The following RNF11 variants were observed in gnomAD, a reference collection of about 807,000 sequenced individuals.
RNF11 encodes the protein ring finger protein 11.
In RNF11, 4 loss-of-function variants were observed where a neutral mutation model predicts 15.8. That is an observed-to-expected ratio of 0.25 (90% confidence interval 0.12 to 0.58). The LOEUF (loss-of-function observed/expected upper bound fraction) is 0.58, where lower values mean the gene tolerates loss of function less well. Among genes scored for constraint, RNF11 ranks in the 20% least tolerant of loss-of-function variants. The pLI is 0.91. For missense variants in RNF11, 139 were observed against 194.4 expected, an observed-to-expected ratio of 0.71 and a Z score of 1.70; for synonymous variants, 68 against 72.3, an observed-to-expected ratio of 0.94 and a Z score of 0.30.
In RNF11 at chr1:51,271,447, G is replaced by A; in HGVS notation, c.*125G>A. ...GCACAAAAGTTTCCTTAAAATTCCTGGATGGCTGCAGATGTTGGGGGAAAA... is the reference window on the plus strand; with the variant it reads ...GCACAAAAGTTTCCTTAAAATTCCTAGATGGCTGCAGATGTTGGGGGAAAA... On this transcript the variant is annotated 3_prime_UTR_variant, in exon 3 of 3. Coordinates refer to ENST00000242719, the MANE Select transcript of RNF11 (RefSeq NM_014372.5). The A allele has an allele frequency of 1.4e-6, 1 of 716,100 alleles. No homozygotes were observed. Among genetic ancestry groups the A allele is most frequent in the Non-Finnish European group, 2.2e-6 (1 of 459,048 alleles). 44.4% of individuals were successfully genotyped at this position (716,100 alleles called of 1,614,324 possible).
At chr1:51,257,391 G>A (rs1417398562) in intron 1 of RNF11, among the ~76,000 whole-genome samples, 5 of 152,140 alleles carry the variant, frequency 3.3e-5, no homozygotes, top group African/African-American at 1.2e-4. Context: ...CAAAAGTGTG[G>A]TGGCCCCAAT....
intron 1 of RNF11, among the ~76,000 whole-genome samples, chr1:51,264,287 A>AAAT (rs1557682286): frequency 2.2e-4 from 7 of 32,530 alleles, no homozygotes; most frequent in Admixed American, 5.9e-4. Flanking sequence ...AAAAAAAAAA[A>AAAT]ATATATATAT....
intron 1 of RNF11, among the ~76,000 whole-genome samples, chr1:51,253,506 T>C (rs1646890561): frequency 7.2e-6 from 1 of 139,648 alleles, no homozygotes; most frequent in African/African-American, 2.7e-5. Context: ...CTGGGCAACC[T>C]CAAGATCCTG....
At chr1:51,257,981 G>A (rs555320198) in intron 1 of RNF11, among the ~76,000 whole-genome samples, 1 of 149,772 alleles carries the variant, frequency 6.7e-6, no homozygotes, top group African/African-American at 2.5e-5. Flanking sequence ...AGCCTCCCGA[G>A]TAGCTGGGAT....
intron 1 of RNF11, among the ~76,000 whole-genome samples, chr1:51,241,695 C>G (rs189334515): frequency 5.1e-4 from 78 of 152,300 alleles, no homozygotes; most frequent in Admixed American, 2.7e-3. Flanking sequence ...GTCGCACCCT[C>G]TACCCAACTC....
chr1:51,266,654 G>C (rs1646956160), intron 1 of RNF11, among the ~76,000 whole-genome samples: 1 of 151,882 alleles, frequency 6.6e-6, no homozygotes, highest in African/African-American at 2.4e-5. Flanking sequence ...ATAGAGACGG[G>C]GTTTCACCAT....
chr1:51,258,944 A>T (rs1294612698), intron 1 of RNF11, among the ~76,000 whole-genome samples: 2 of 151,918 alleles, frequency 1.3e-5, no homozygotes, highest in African/African-American at 4.8e-5. Context: ...ACCACTCCCC[A>T]CCCCATTTTC....
intron 1 of RNF11, among the ~76,000 whole-genome samples, chr1:51,238,976 C>T (rs1289564418): frequency 6.6e-6 from 1 of 152,146 alleles, no homozygotes; most frequent in Non-Finnish European, 1.5e-5. Flanking sequence ...GCAGTCCACC[C>T]ACCTCAGTCT....
intron 1 of RNF11, among the ~76,000 whole-genome samples, chr1:51,248,854 G>A (rs1395772654): frequency 6.6e-6 from 1 of 152,082 alleles, no homozygotes; most frequent in African/African-American, 2.4e-5. Context: ...GTATTCACAG[G>A]TTCCACATCC....
intron 1 of RNF11, among the ~76,000 whole-genome samples, chr1:51,255,457 A>G (rs72896496): frequency 0.021 from 3,207 of 152,120 alleles, 95 homozygotes; most frequent in African/African-American, 0.065. Context: ...ACAAGGTCTC[A>G]CTCTTTTTCC....
intron 1 of RNF11, among the ~76,000 whole-genome samples, chr1:51,238,624 G>C (rs1184986272): frequency 6.6e-6 from 1 of 152,176 alleles, no homozygotes; most frequent in African/African-American, 2.4e-5. Flanking sequence ...AATCAAAGCT[G>C]AATCTGGGTG....
At position 51,273,197 on chromosome 1, in the gene RNF11, G is replaced by A. The variant is rs1557684322; in HGVS notation, c.*1875G>A. 6.6e-6 allele frequency: 1 copy of A among 152,060 alleles called. No homozygotes were observed. Among genetic ancestry groups the A allele is most frequent in the East Asian group, 1.9e-4 (1 of 5,206 alleles). 9.4% of individuals were successfully genotyped at this position (152,060 alleles called of 1,614,324 possible). On this transcript the variant is annotated 3_prime_UTR_variant, in exon 3 of 3. Coordinates refer to ENST00000242719, the MANE Select transcript of RNF11 (RefSeq NM_014372.5). ...AATGTCTGTGTCATCAAGTATTATA[G>A]TCAGACTTTTCTTTTTTTCTAGATT... is the stretch of plus-strand genomic sequence containing the variant.
intron 1 of RNF11, among the ~76,000 whole-genome samples, chr1:51,255,298 T>C (rs1557680185): frequency 6.6e-6 from 1 of 152,252 alleles, no homozygotes; most frequent in Non-Finnish European, 1.5e-5. Flanking sequence ...TCTCACACTG[T>C]TGCCCATGCT....
intron 1 of RNF11, among the ~76,000 whole-genome samples, chr1:51,241,542 C>T (rs905818134): frequency 3.9e-5 from 6 of 151,996 alleles, no homozygotes; most frequent in African/African-American, 1.4e-4. Flanking sequence ...GGGTTTTTAC[C>T]GTGTATATAT....
At chr1:51,249,040 A>C (rs1042816146) in intron 1 of RNF11, among the ~76,000 whole-genome samples, 2 of 152,198 alleles carry the variant, frequency 1.3e-5, no homozygotes, top group Non-Finnish European at 2.9e-5. Context: ...TTATGTGCAA[A>C]TATGCCATTT....
chr1:51,246,357 T>C (rs765956712), intron 1 of RNF11, among the ~76,000 whole-genome samples: 2 of 152,070 alleles, frequency 1.3e-5, no homozygotes, highest in Non-Finnish European at 2.9e-5. Flanking sequence ...GAAGGATTGC[T>C]TGAGCCCAGG....
At chr1:51,260,904 T>C (rs528343939) in intron 1 of RNF11, among the ~76,000 whole-genome samples, 1 of 152,360 alleles carries the variant, frequency 6.6e-6, no homozygotes, top group East Asian at 1.9e-4. Flanking sequence ...ATAGGTACTT[T>C]ATATTTTTTT....
intron 1 of RNF11, among the ~76,000 whole-genome samples, chr1:51,240,206 C>T (rs1473813454): frequency 2.6e-5 from 4 of 152,204 alleles, no homozygotes; most frequent in Non-Finnish European, 5.9e-5. Flanking sequence ...CTTGTTTCCA[C>T]GCATGTCCCT....
intron 1 of RNF11, among the ~76,000 whole-genome samples, chr1:51,247,774 A>G (rs1304839413): frequency 6.6e-6 from 1 of 152,194 alleles, no homozygotes; most frequent in Non-Finnish European, 1.5e-5. Context: ...GTGTACTCCC[A>G]GGGGCCAAAT....
Sources: gnomAD v4.1 joint callset for allele counts (sites outside exome capture counted in the v4.1 genomes callset) on GRCh38, gnomAD v4.1.1 for gene constraint, MANE v1.5 for transcripts, NCBI Gene and HGNC (gene_info 2026-07-23, HGNC 2026-07-21) for gene names.